Variants in ZNF385D observed in about 807,000 individuals in gnomAD.
ZNF385D encodes zinc finger protein 385D, also known as zinc finger protein 659.
A neutral mutation model predicts 35.8 loss-of-function variants in ZNF385D; 15 were observed. The observed-to-expected ratio is 0.42, with a 90% CI of 0.28 to 0.64. ZNF385D has a LOEUF of 0.64. ZNF385D is among the 30% of genes least tolerant of loss of function. The pLI is 0.23. For missense variants in ZNF385D, 474 were observed against 494.6 expected, an observed-to-expected ratio of 0.96 and a Z score of 0.39; for synonymous variants, 212 against 186.8, an observed-to-expected ratio of 1.13 and a Z score of -1.10.
At chr3:21,543,480 C>T (rs1285721793) in intron 3 of ZNF385D, among the ~76,000 whole-genome samples, 3 of 152,172 alleles carry the variant, frequency 2.0e-5, no homozygotes, top group African/African-American at 7.2e-5. Flanking sequence ...CTCCCCACTC[C>T]TTGCGGGGCT....
chr3:21,715,712 CA>C (rs2068291997), intron 1 of ZNF385D, among the ~76,000 whole-genome samples: 1 of 152,008 alleles, frequency 6.6e-6, no homozygotes, highest in Non-Finnish European at 1.5e-5. Context: ...TATAACTCAC[CA>C]AATTTCTATC....
chr3:22,277,245 C>T (rs1701476997), intron 2 of ZNF385D, among the ~76,000 whole-genome samples: 1 of 151,968 alleles, frequency 6.6e-6, no homozygotes, highest in African/African-American at 2.4e-5. Flanking sequence ...TTCAACAAAG[C>T]CAGAGGAGAG....
chr3:21,817,968 C>T (rs1262230599), intron 3 of ZNF385D, among the ~76,000 whole-genome samples: 1 of 152,128 alleles, frequency 6.6e-6, no homozygotes, highest in Non-Finnish European at 1.5e-5. Flanking sequence ...GAAAATTTGG[C>T]ACATATACAC....
chr3:21,593,110 T>G (rs552517215), intron 2 of ZNF385D, among the ~76,000 whole-genome samples: 1 of 152,290 alleles, frequency 6.6e-6, no homozygotes, highest in African/African-American at 2.4e-5. Flanking sequence ...CTGCTGTATG[T>G]CATGCTTTTG....
At chr3:21,625,540 A>G (rs2065112280) in intron 2 of ZNF385D, among the ~76,000 whole-genome samples, 1 of 152,072 alleles carries the variant, frequency 6.6e-6, no homozygotes. Context: ...AAAATGAATG[A>G]CTCAAGAGAA....
At position 22,294,258 on chromosome 3, in the gene ZNF385D, G is replaced by A. The variant is rs547184485; in HGVS notation, c.106+78192C>T. ...AAATGGCTCTAGTTAATAGGAGGTGGATGCAGTTTTAGCTTCCCCACAATT... is the reference window on the plus strand; with the variant it reads ...AAATGGCTCTAGTTAATAGGAGGTGAATGCAGTTTTAGCTTCCCCACAATT... On this transcript the variant is annotated intron_variant, in intron 2 of 5. Transcript: ENST00000494108. 3.6e-3 allele frequency among the ~76,000 whole-genome samples: 554 copies of A among 152,072 alleles called. 4 individuals carry two copies. Among genetic ancestry groups the A allele is most frequent in the African/African-American group, 0.011 (468 of 41,510 alleles).
At chr3:21,558,045 C>G (rs147988429) in intron 3 of ZNF385D, among the ~76,000 whole-genome samples, 3,960 of 150,588 alleles carry the variant, frequency 0.026, 87 homozygotes, top group Middle Eastern at 0.052. Context: ...TCTCCCTTTT[C>G]TTTATTAGTC....
At chr3:21,794,091 G>A (rs1297009418) in intron 3 of ZNF385D, among the ~76,000 whole-genome samples, 1 of 152,108 alleles carries the variant, frequency 6.6e-6, no homozygotes, top group African/African-American at 2.4e-5. Flanking sequence ...ACTGCTGACA[G>A]TGTCATCAAG....
Position 22,243,768 on chromosome 3 carries a change from T to C in ZNF385D, c.107-74733A>G, listed in dbSNP as rs963096813. 7.3e-5 allele frequency among the ~76,000 whole-genome samples: 11 copies of C among 150,754 alleles called. 1 individual carries two copies. Among genetic ancestry groups the C allele is most frequent in the South Asian group, 4.3e-4 (2 of 4,616 alleles). Reference sequence around the variant, plus strand: ...TGGAAAAATGGTACCGTTATCAAGATTGGGCAAATAGGGTGGAAAGTTGGT... The same window carrying C: ...TGGAAAAATGGTACCGTTATCAAGACTGGGCAAATAGGGTGGAAAGTTGGT... On this transcript the variant is annotated intron_variant, in intron 2 of 5. Coordinates refer to the ZNF385D transcript ENST00000494108.
At chr3:21,583,749 C>T (rs1490260393) in intron 2 of ZNF385D, among the ~76,000 whole-genome samples, 1 of 150,776 alleles carries the variant, frequency 6.6e-6, no homozygotes, top group Non-Finnish European at 1.5e-5. Flanking sequence ...TTTATTCATT[C>T]AATATAAATA....
rs116659332 is a variant in ZNF385D, at chr3:21,695,165, G to A, written c.23-30137C>T. ...AAGTGTTACCATCTTATCACCTCCC[G>A]GAATACAAAAGCGCGATGTGAAAAG... On this transcript the variant is annotated intron_variant, in intron 1 of 7. Transcript: ENST00000281523. Among the ~76,000 whole-genome samples, 772 of 152,230 alleles carry A rather than the reference G, an allele frequency of 5.1e-3. 6 individuals carry two copies. The highest frequency in any genetic ancestry group is 0.014 in the African/African-American group (596 of 41,540).
chr3:22,343,464 T>C (rs553172521), intron 2 of ZNF385D, among the ~76,000 whole-genome samples: 6 of 152,236 alleles, frequency 3.9e-5, no homozygotes, highest in Non-Finnish European at 7.3e-5. Context: ...GGAACAACTA[T>C]GCAACAACTA....
chr3:21,422,266 G>T (rs1700776591), intron 7 of ZNF385D, among the ~76,000 whole-genome samples: 1 of 152,210 alleles, frequency 6.6e-6, no homozygotes, highest in Non-Finnish European at 1.5e-5. Flanking sequence ...AGCATTCAGG[G>T]TTATGACTAG....
At chr3:21,850,305 G>T (rs1696303785) in intron 3 of ZNF385D, among the ~76,000 whole-genome samples, 1 of 152,012 alleles carries the variant, frequency 6.6e-6, no homozygotes, top group Admixed American at 6.6e-5. Context: ...AAGAAATATG[G>T]GATTATGATC....
chr3:22,113,464 T>C (rs894174073), intron 3 of ZNF385D, among the ~76,000 whole-genome samples: 1 of 152,112 alleles, frequency 6.6e-6, no homozygotes, highest in Non-Finnish European at 1.5e-5. Context: ...AATGAATTGA[T>C]GAACTTAGCT....
chr3:22,089,225 C>T (rs1236080951), intron 3 of ZNF385D, among the ~76,000 whole-genome samples: 1 of 152,160 alleles, frequency 6.6e-6, no homozygotes, highest in Non-Finnish European at 1.5e-5. Context: ...TACTCTCCTA[C>T]TTTCTTCACA....
intron 2 of ZNF385D, among the ~76,000 whole-genome samples, chr3:22,336,127 G>A (rs552559655): frequency 1.3e-5 from 2 of 152,034 alleles, no homozygotes; most frequent in East Asian, 3.8e-4. Flanking sequence ...GAGAAACCCA[G>A]TTTGTTTTAT....
At chr3:21,718,527 A>T (rs974168355) in intron 1 of ZNF385D, among the ~76,000 whole-genome samples, 20 of 152,218 alleles carry the variant, frequency 1.3e-4, no homozygotes, top group African/African-American at 4.6e-4. Flanking sequence ...ATATTATCTT[A>T]TTTAATCCTC....
intron 2 of ZNF385D, among the ~76,000 whole-genome samples, chr3:22,353,489 G>A (rs561665203): frequency 2.0e-5 from 3 of 152,080 alleles, no homozygotes; most frequent in Admixed American, 6.6e-5. Flanking sequence ...TTGAATTCAC[G>A]ATGTCCTGAT....
Sources: gnomAD v4.1 joint callset for allele counts (sites outside exome capture counted in the v4.1 genomes callset) on GRCh38, gnomAD v4.1.1 for gene constraint, MANE v1.5 for transcripts, NCBI Gene and HGNC (gene_info 2026-07-23, HGNC 2026-07-21) for gene names.